Variants in SPIDR observed in about 807,000 individuals in gnomAD.
The protein encoded by SPIDR is scaffold protein involved in DNA repair, also known as DNA repair-scaffolding protein.
A neutral mutation model predicts 104.6 loss-of-function variants in SPIDR; 93 were observed. The ratio of observed to expected loss-of-function variants is 0.89; its 90% CI spans 0.75 to 1.06. The LOEUF (loss-of-function observed/expected upper bound fraction) is 1.06, where lower values mean the gene tolerates loss of function less well. Ranked by LOEUF, SPIDR falls within the 50% of genes least tolerant of loss-of-function variation. The probability of loss-of-function intolerance (pLI) is 0.00; values close to 1 mark genes in which losing one functional copy is unlikely to be tolerated. For missense variants in SPIDR, 1,154 were observed against 1,111.2 expected (o/e 1.04, Z -0.55); for synonymous variants, 431 against 416.9 (o/e 1.03, Z -0.41).
At chr8:47,269,881 T>G (rs1444546111) in intron 1 of SPIDR, among the ~76,000 whole-genome samples, 1 of 152,224 alleles carries the variant, frequency 6.6e-6, no homozygotes, top group Non-Finnish European at 1.5e-5. Flanking sequence ...TTGTTGGCCT[T>G]TGTCAGTTGC....
rs375080352 is a variant in SPIDR at position 47,449,935 on chromosome 8, C to T, written c.1097+9393C>T. Among the ~76,000 whole-genome samples, 36 of 152,144 alleles carry T rather than the reference C, an allele frequency of 2.4e-4. 1 individual carries two copies. The highest frequency in any genetic ancestry group is 7.2e-4 in the African/African-American group (30 of 41,494). ...CTATAATGCCAACACTTTGGGAGGC[C>T]GAGGCAGGCAGTGGATTGCTTGAGT... On this transcript the variant is annotated intron_variant, in intron 8 of 19. Transcript: ENST00000297423.
chr8:47,722,028 C>A (rs919622972), intron 16 of SPIDR, among the ~76,000 whole-genome samples: 2 of 152,124 alleles, frequency 1.3e-5, no homozygotes, highest in African/African-American at 4.8e-5. Flanking sequence ...AATATCTTTG[C>A]ATTTATTTAT....
chr8:47,318,068 C>T (rs959995287), intron 5 of SPIDR, among the ~76,000 whole-genome samples: 2 of 152,156 alleles, frequency 1.3e-5, no homozygotes, highest in African/African-American at 4.8e-5. Context: ...CAGCTCCTCA[C>T]CAGCAACGGA....
At chr8:47,626,160 G>A (rs1023959417) in intron 10 of SPIDR, among the ~76,000 whole-genome samples, 4 of 152,120 alleles carry the variant, frequency 2.6e-5, no homozygotes, top group Non-Finnish European at 5.9e-5. Flanking sequence ...TTTAATAAAT[G>A]GTGCTGGGAA....
At chr8:47,420,727 T>C (rs1192859407) in intron 7 of SPIDR, among the ~76,000 whole-genome samples, 1 of 152,232 alleles carries the variant, frequency 6.6e-6, no homozygotes, top group African/African-American at 2.4e-5. Flanking sequence ...CTTTACAATT[T>C]GTCATGTTTT....
chr8:47,605,757 T>G (rs2062856467), intron 10 of SPIDR, among the ~76,000 whole-genome samples: 1 of 152,128 alleles, frequency 6.6e-6, no homozygotes, highest in Non-Finnish European at 1.5e-5. Context: ...GCAGGATGCT[T>G]CCCATATGAC....
At position 47,448,366 on chromosome 8, in the gene SPIDR, T is replaced by C. The variant is rs547640642; in HGVS notation, c.1097+7824T>C. Among the ~76,000 whole-genome samples, 15 of 152,324 alleles carry C rather than the reference T, an allele frequency of 9.8e-5. No homozygotes were observed. In the East Asian group the frequency reaches 2.3e-3, roughly 24 times the overall value. On this transcript the variant is annotated intron_variant, in intron 8 of 19. Transcript: ENST00000297423. ...TATCCTCCCTAATTGAATGAGACTTTGTTGATTTGTACATTCATTTAAAAA... is the reference window on the plus strand; with the variant it reads ...TATCCTCCCTAATTGAATGAGACTTCGTTGATTTGTACATTCATTTAAAAA...
At chr8:47,431,962 A>G (rs1447544649) in intron 7 of SPIDR, among the ~76,000 whole-genome samples, 1 of 152,192 alleles carries the variant, frequency 6.6e-6, no homozygotes, top group East Asian at 1.9e-4. Context: ...TTTAGATATT[A>G]TAATCAGGAT....
At chr8:47,575,440 G>C (rs371561938) in intron 8 of SPIDR, among the ~76,000 whole-genome samples, 7 of 151,334 alleles carry the variant, frequency 4.6e-5, no homozygotes, top group African/African-American at 1.2e-4. Context: ...TCAGGAGATC[G>C]AGACCATCCT....
At chr8:47,368,460 A>C (rs1402472354) in intron 5 of SPIDR, among the ~76,000 whole-genome samples, 5 of 147,846 alleles carry the variant, frequency 3.4e-5, no homozygotes, top group African/African-American at 9.8e-5. Flanking sequence ...ATAAGATTTC[A>C]GTAATTAGAA....
chr8:47,501,268 T>C (rs1011592045), intron 8 of SPIDR, among the ~76,000 whole-genome samples: 2 of 152,224 alleles, frequency 1.3e-5, no homozygotes, highest in Non-Finnish European at 2.9e-5. Flanking sequence ...ATTCTTCCTA[T>C]CCATGAGCAT....
chr8:47,343,973 T>A (rs80302853), intron 5 of SPIDR, among the ~76,000 whole-genome samples: 3,521 of 151,934 alleles, frequency 0.023, 145 homozygotes, highest in African/African-American at 0.081. Context: ...TCTTTTTTTT[T>A]TTATTATTAT....
chr8:47,579,551 C>G (rs2059493494), intron 8 of SPIDR, among the ~76,000 whole-genome samples: 1 of 152,030 alleles, frequency 6.6e-6, no homozygotes, highest in Non-Finnish European at 1.5e-5. Context: ...GCTACATGGC[C>G]CAGTGGCTAC....
intron 8 of SPIDR, among the ~76,000 whole-genome samples, chr8:47,571,685 A>T (rs1363557609): frequency 6.6e-6 from 1 of 152,246 alleles, no homozygotes; most frequent in East Asian, 1.9e-4. Context: ...GTGGATACAT[A>T]GTACTCAACC....
intron 8 of SPIDR, among the ~76,000 whole-genome samples, chr8:47,595,456 T>C (rs1356409121): frequency 6.6e-6 from 1 of 151,612 alleles, no homozygotes; most frequent in African/African-American, 2.4e-5. Context: ...AAGGTTTTAT[T>C]TGTACATTTT....
At chr8:47,449,917 G>A (rs1435630627) in intron 8 of SPIDR, among the ~76,000 whole-genome samples, 2 of 152,132 alleles carry the variant, frequency 1.3e-5, no homozygotes, top group African/African-American at 4.8e-5. Flanking sequence ...TGTCTATAAT[G>A]CCAACACTTT....
rs561932793 is a variant in SPIDR, at chr8:47,331,937, T to C, written c.525+37907T>C. On this transcript the variant is annotated intron_variant, in intron 5 of 19. Transcript: ENST00000297423. Reference sequence around the variant, plus strand: ...ATCTCAGCTTATATATTCTGTCAGCTTTTTTCTATTTAAAAAATTTTTTTA... The same window carrying C: ...ATCTCAGCTTATATATTCTGTCAGCCTTTTTCTATTTAAAAAATTTTTTTA... Among the ~76,000 whole-genome samples, 120 of 148,004 alleles carry C rather than the reference T, an allele frequency of 8.1e-4. 1 individual carries two copies. The highest frequency in any genetic ancestry group is 2.6e-3 in the African/African-American group (107 of 40,528).
intron 5 of SPIDR, among the ~76,000 whole-genome samples, chr8:47,362,900 G>A (rs542263302): frequency 3.3e-4 from 50 of 152,254 alleles, no homozygotes; most frequent in African/African-American, 9.9e-4. Flanking sequence ...TGATTCACCC[G>A]CTTTGGCTTC....
At chr8:47,334,746 T>TA (rs768911294) in intron 5 of SPIDR, among the ~76,000 whole-genome samples, 29 of 152,202 alleles carry the variant, frequency 1.9e-4, no homozygotes, top group Non-Finnish European at 3.8e-4. Context: ...TGTTGACTTT[T>TA]AAAATCATCA....
Sources: allele counts gnomAD v4.1 joint callset (sites outside exome capture counted in the v4.1 genomes callset), GRCh38; gene constraint gnomAD v4.1.1; transcripts MANE v1.5; gene names NCBI Gene and HGNC (gene_info 2026-07-23, HGNC 2026-07-21).